Variants in LCT observed in about 807,000 individuals in gnomAD.
The protein encoded by LCT is lactase/phlorizin hydrolase.
In LCT, 90 loss-of-function variants were observed where a neutral mutation model predicts 173.0. The ratio of observed to expected loss-of-function variants is 0.52; its 90% CI spans 0.44 to 0.62. The LOEUF (loss-of-function observed/expected upper bound fraction) is 0.62. Among genes scored for constraint, LCT ranks in the 20% least tolerant of loss-of-function variants. The pLI is 0.00. For missense variants in LCT, 1,864 were observed against 2,431.4 expected (o/e 0.77, Z 4.91); for synonymous variants, 853 against 957.6 (o/e 0.89, Z 2.02).
chr2:135,798,029 C>T lies in LCT; in HGVS notation c.4976G>A (p.Arg1659Gln), dbSNP rs2077596297. The T allele has an allele frequency of 5.0e-6, 8 of 1,585,322 alleles. No individual in the cohort carries two copies. Among genetic ancestry groups the T allele is most frequent in the East Asian group, 4.5e-5 (2 of 44,796 alleles). ...ACCACTGCGGGCACCAGGCCCTTAC[C>T]GAGACTTGTTGAGGCCTGCAGCCAA... ...RSLAAGLNKSRLPEFTESEKR... is the reference protein window; with the variant it reads ...RSLAAGLNKSQLPEFTESEKR... The change falls in exon 13 of 17, where the codon CGG becomes CAG. Residue 1659 changes from arginine (R) to glutamine (Q), a missense_variant and splice_region_variant. Physicochemically the swap from Arg to Gln is conservative, Grantham distance 43 (BLOSUM62 1). This residue lies in a region of LCT where 514 missense variants were observed against 750.1 expected (regional missense o/e 0.69). Coordinates refer to ENST00000264162, the MANE Select transcript of LCT (RefSeq NM_002299.4).
In LCT at chr2:135,836,765, G is replaced by T; in HGVS notation, c.405C>A (p.Thr135=). ...LQPMVILHHQ[T]LPASTLRRTE... ...TTCTCCGGAGGGTGCTGGCAGGGAG[G>T]GTCTGGTGGTGCAGGATGACCATGG... is the stretch of plus-strand genomic sequence containing the variant. Residue 135 remains threonine (T), a synonymous_variant, in exon 1 of 17, where the codon ACC becomes ACA. Coordinates refer to ENST00000264162, the MANE Select transcript of LCT (RefSeq NM_002299.4). The T allele has an allele frequency of 2.5e-6, 4 of 1,614,186 alleles. No homozygotes were observed. Among genetic ancestry groups the T allele is most frequent in the Non-Finnish European group, 3.4e-6 (4 of 1,180,032 alleles).
At chr2:135,823,703 T>C (rs952393230) in intron 4 of LCT, among the ~76,000 whole-genome samples, 198 bp downstream of exon 4, 1 of 152,194 alleles carries the variant, frequency 6.6e-6, no homozygotes, top group Non-Finnish European at 1.5e-5. Context: ...CTCTCCTCTT[T>C]CTTGGGTCAA....
chr2:135,822,002 T>G lies in LCT; in HGVS notation c.986+18A>C. The G allele has an allele frequency of 7.0e-7, 1 of 1,436,402 alleles. No homozygotes were observed. Among genetic ancestry groups the G allele is most frequent in the Non-Finnish European group, 9.8e-7 (1 of 1,018,086 alleles). The allele number at this position is 1,436,402 out of a possible 1,614,324, so 89.0% of individuals were successfully genotyped here. A position where few individuals can be genotyped will look rare whatever the true frequency, so the allele number is the denominator to read the frequency against. On this transcript the variant is annotated intron_variant, in intron 5 of 16. Coordinates refer to ENST00000264162, the MANE Select transcript of LCT (RefSeq NM_002299.4). Reference sequence around the variant, plus strand: ...CAAATATCAGTTATTGATAGTTCAATAGGCAACCTGACATTACCTTTTCTT... The same window carrying G: ...CAAATATCAGTTATTGATAGTTCAAGAGGCAACCTGACATTACCTTTTCTT...
Position 135,808,582 on chromosome 2 carries a change from C to A in LCT, c.3765G>T (p.Arg1255Ser). 6.2e-7 allele frequency: 1 copy of A among 1,614,248 alleles called. No individual in the cohort carries two copies. The highest frequency in any genetic ancestry group is 8.5e-7 in the Non-Finnish European group (1 of 1,180,040). ...MNRAAPWGTR[R>S]LLNWIKEEYG... Reference sequence around the variant, plus strand: ...ACTCTTCCTTGATCCAGTTCAGCAGCCTTCGCGTCCCCCAGGGCGCAGCTC... The same window carrying A: ...ACTCTTCCTTGATCCAGTTCAGCAGACTTCGCGTCCCCCAGGGCGCAGCTC... Residue 1255 changes from arginine (R) to serine (S), a missense_variant, in exon 8 of 17, where the codon AGG (arginine) becomes AGT (serine). This residue lies in a region of LCT where 755 missense variants were observed against 926.3 expected (regional missense o/e 0.82). Transcript: ENST00000264162.
chr2:135,829,965 A>G (rs553884327), intron 2 of LCT, among the ~76,000 whole-genome samples: 1 of 152,256 alleles, frequency 6.6e-6, no homozygotes, highest in South Asian at 2.1e-4. Context: ...GTTGATGGCT[A>G]AATGAATGCG....
chr2:135,794,904 A>C, intron 13 of LCT, 129 bp from the exon 14 acceptor site: 1 of 1,051,226 alleles, frequency 9.5e-7, no homozygotes, highest in East Asian at 2.4e-5. Context: ...GGAAACTGGC[A>C]GGGAAGGAGA....
rs576995967 is a variant in LCT at position 135,837,051 on chromosome 2, A to G, written c.119T>C (p.Leu40Pro). Residue 40 changes from leucine to proline, a missense_variant, in exon 1 of 17, where the codon CTG becomes CCG. By Grantham distance (98) the Leu-to-Pro change is moderately conservative. Transcript: ENST00000264162. The stretch of plus-strand genomic sequence containing the variant: ...TCCCAGGAGACCACTCAGGTTGTGC[A>G]GCAAGTCATTGGTTAGAGGACCAGC... ...STAGPLTNDL[L>P]HNLSGLLGDQ... is the part of the protein sequence containing the mutation. 6.2e-7 allele frequency: 1 copy of G among 1,614,118 alleles called. No homozygotes were observed. The highest frequency in any genetic ancestry group is 2.2e-5 in the East Asian group (1 of 44,882).
At position 135,804,025 on chromosome 2, in the gene LCT, A is replaced by C. The variant is rs2077648320; in HGVS notation, c.4568T>G (p.Phe1523Cys). 5.0e-6 allele frequency: 8 copies of C among 1,613,710 alleles called. No homozygotes were observed. Among genetic ancestry groups the C allele is most frequent in the Non-Finnish European group, 6.8e-6 (8 of 1,179,706 alleles). Residue 1523 changes from phenylalanine (F) to cysteine (C), a missense_variant, in exon 11 of 17, where the codon TTC becomes TGC. Physicochemically the swap from Phe to Cys is radical, Grantham distance 205. Transcript: ENST00000264162. ...CTTCACCTTGTCTCCCAGCCTCTGGAAGAGCACATCTGCATACTCCTTAAA... is the reference window on the plus strand; with the variant it reads ...CTTCACCTTGTCTCCCAGCCTCTGGCAGAGCACATCTGCATACTCCTTAAA... ...QRFKEYADVL[F>C]QRLGDKVKFW...
intron 3 of LCT, among the ~76,000 whole-genome samples, chr2:135,826,147 T>C (rs966597267): frequency 1.3e-5 from 2 of 152,198 alleles, no homozygotes; most frequent in Non-Finnish European, 2.9e-5. Context: ...AGATAACCAT[T>C]GCAGAACATT....
chr2:135,806,760 CTG>C (rs1045478224), intron 9 of LCT, among the ~76,000 whole-genome samples: 13 of 152,334 alleles, frequency 8.5e-5, no homozygotes, highest in Admixed American at 6.5e-4. Context: ...TAAGTGCACT[CTG>C]TGTGATGTTC....
chr2:135,823,821 C>A (rs903827606), intron 4 of LCT, 80 bp downstream of exon 4: 3 of 953,670 alleles, frequency 3.1e-6, no homozygotes, highest in Admixed American at 1.8e-5. Context: ...CCCATTGGAA[C>A]CCCGGACTTT....
intron 7 of LCT, 45 bp downstream of exon 7, chr2:135,812,266 A>G: frequency 6.6e-7 from 1 of 1,517,816 alleles, no homozygotes; most frequent in Non-Finnish European, 9.2e-7. Context: ...AGACTTGGAG[A>G]AGTACCACCC....
chr2:135,809,943 T>G lies in LCT; in HGVS notation c.2404A>C (p.Ile802Leu). Residue 802 changes from isoleucine to leucine, a missense_variant, in exon 8 of 17, where the codon ATT becomes CTT. Around this residue, in one of 4 missense-constraint regions of LCT, gnomAD observed 755 missense variants for 926.3 expected, o/e 0.82. Coordinates refer to ENST00000264162, the MANE Select transcript of LCT (RefSeq NM_002299.4). This position sits in a 1 kb window ranked among gnomAD's most constrained non-coding sequence, Gnocchi z 5.5. ...DVRSYIARSLIDGFEGPSGYS... is the reference protein window; with the variant it reads ...DVRSYIARSLLDGFEGPSGYS... ...CCAGAAGGGCCTTCGAAGCCATCAA[T>G]GAGGGAACGAGCAATGTAGGAACGA... 6.2e-7 allele frequency: 1 copy of G among 1,614,156 alleles called. No homozygotes were observed. Among genetic ancestry groups the G allele is most frequent in the Non-Finnish European group, 8.5e-7 (1 of 1,180,006 alleles).
chr2:135,830,381 C>G (rs2077926868), intron 2 of LCT, among the ~76,000 whole-genome samples: 1 of 152,130 alleles, frequency 6.6e-6, no homozygotes. Context: ...GCCAACACCC[C>G]CAGTGCTGCG....
chr2:135,804,586 A>T (rs1040570837), intron 10 of LCT, among the ~76,000 whole-genome samples, 181 bp downstream of exon 10: 3 of 152,148 alleles, frequency 2.0e-5, no homozygotes, highest in South Asian at 2.1e-4. Flanking sequence ...GGAGGCTGAG[A>T]AACGAGATCC....
chr2:135,797,040 C>T lies in LCT; in HGVS notation c.4976+989G>A, dbSNP rs540829754. Reference sequence around the variant, plus strand: ...TCGGCTCACTGCAACCTCTGCCTCCCGAGCTCAAGCAATTCTCTGGCCTCA... The same window carrying T: ...TCGGCTCACTGCAACCTCTGCCTCCTGAGCTCAAGCAATTCTCTGGCCTCA... On this transcript the variant is annotated intron_variant, in intron 13 of 16. Coordinates refer to ENST00000264162, the MANE Select transcript of LCT (RefSeq NM_002299.4). Among the ~76,000 whole-genome samples, 3 of 151,550 alleles carry T rather than the reference C, an allele frequency of 2.0e-5. 1 individual carries two copies. The highest frequency in any genetic ancestry group is 7.3e-5 in the African/African-American group (3 of 41,254).
At chr2:135,808,079 G>A (rs1046394160) in intron 8 of LCT, among the ~76,000 whole-genome samples, 2 of 151,716 alleles carry the variant, frequency 1.3e-5, no homozygotes, top group Admixed American at 6.6e-5. Context: ...CAACTTTCTT[G>A]TTCTGGGGTG....
intron 5 of LCT, among the ~76,000 whole-genome samples, chr2:135,818,590 A>C (rs2105544079): frequency 6.6e-6 from 1 of 152,356 alleles, no homozygotes; most frequent in Middle Eastern, 3.4e-3. Flanking sequence ...CTGTAATCCC[A>C]GCACTTTGGG....
intron 1 of LCT, 88 bp downstream of exon 1, chr2:135,836,442 G>C: frequency 8.3e-7 from 1 of 1,197,838 alleles, no homozygotes; most frequent in South Asian, 1.2e-5. Flanking sequence ...GGTGAGTTGG[G>C]AGAAATGTCG....
Sources: gnomAD v4.1 joint callset for allele counts (sites outside exome capture counted in the v4.1 genomes callset) on GRCh38, gnomAD v4.1.1 for gene constraint, gnomAD v4.1.1 regional missense constraint, Gnocchi (gnomAD v3.1) non-coding constraint, MANE v1.5 for transcripts, NCBI Gene and HGNC (gene_info 2026-07-23, HGNC 2026-07-21) for gene names.